The following C1orf116 variants were observed in gnomAD, a reference collection of about 807,000 sequenced individuals.
The protein encoded by C1orf116 is chromosome 1 open reading frame 116.
C1orf116 carries 12 observed loss-of-function variants against 14.1 expected under a neutral mutation model. The ratio of observed to expected loss-of-function variants is 0.85; its 90% confidence interval spans 0.54 to 1.38. The LOEUF is 1.38. C1orf116 is among the 40% of genes most tolerant of loss of function. The pLI is 0.00. For missense variants in C1orf116, 797 were observed against 747.0 expected (o/e 1.07, Z -0.78); for synonymous variants, 296 against 299.0 (o/e 0.99, Z 0.10).
Position 207,024,582 on chromosome 1 carries a change from C to A in C1orf116, c.283+305G>T, listed in dbSNP as rs1455455422. Among the ~76,000 whole-genome samples the A allele has an allele frequency of 3.9e-5, 6 of 152,374 alleles. 1 individual carries two copies. The South Asian group carries it at 1.0e-3, about 26-fold the overall frequency. On this transcript the variant is annotated intron_variant, in intron 3 of 3. Coordinates refer to ENST00000359470, the MANE Select transcript of C1orf116 (RefSeq NM_023938.6). ...ACCACCCAGCCCTCCCTGACTCCCTCCCCCGCCTCTGCGGTCATATCTCTT... is the reference window on the plus strand; with the variant it reads ...ACCACCCAGCCCTCCCTGACTCCCTACCCCGCCTCTGCGGTCATATCTCTT...
intron 2 of C1orf116, among the ~76,000 whole-genome samples, chr1:207,026,363 G>A (rs1682071864): frequency 6.6e-6 from 1 of 152,202 alleles, no homozygotes; most frequent in African/African-American, 2.4e-5. Flanking sequence ...CCTTGCCAAG[G>A]ATAAGCTGAC....
rs778120198 is a variant in C1orf116, at chr1:207,022,499, T to G, written c.1265A>C (p.Gln422Pro). Residue 422 changes from glutamine to proline, a missense_variant, in exon 4 of 4, where the codon CAG becomes CCG. Physicochemically the swap from Gln to Pro is moderately conservative, Grantham distance 76. Transcript: ENST00000359470. The part of the protein sequence containing the change: ...QAPAPAPGPA[Q>P]GPLPMKSPAP... ...TGGAGACTTCATTGGCAAAGGTCCC[T>G]GAGCTGGACCTGGAGCTGGAGCCGG... 5.0e-6 allele frequency: 8 copies of G among 1,614,164 alleles called. No individual in the cohort carries two copies. The highest frequency in any genetic ancestry group is 6.8e-6 in the Non-Finnish European group (8 of 1,180,004).
intron 2 of C1orf116, 22 bp from the exon 3 acceptor site, chr1:207,025,086 G>T (rs200591823): frequency 4.0e-5 from 47 of 1,187,260 alleles, no homozygotes; most frequent in Non-Finnish European, 5.2e-5. Context: ...GGGGTTGGGG[G>T]CGGGGGCGGG....
At chr1:207,025,645 A>G (rs1411855621) in intron 2 of C1orf116, among the ~76,000 whole-genome samples, 1 of 152,246 alleles carries the variant, frequency 6.6e-6, no homozygotes, top group Non-Finnish European at 1.5e-5. Flanking sequence ...CTGTGGCATG[A>G]CTGGCCACAG....
At chr1:207,031,526 G>A (rs1271742581) in intron 1 of C1orf116, among the ~76,000 whole-genome samples, 1 of 152,142 alleles carries the variant, frequency 6.6e-6, no homozygotes, top group Admixed American at 6.5e-5. Flanking sequence ...CTTGAGCCTG[G>A]CACTGAGGGC....
rs117236093 is a variant in C1orf116 at position 207,025,801 on chromosome 1, G to A, written c.106-737C>T. ...TTTCTAAAGCAAATATTAACTTAAA[G>A]GGGGAGGTTGGTGGAGAAACTGGAT... On this transcript the variant is annotated intron_variant, in intron 2 of 3. Transcript: ENST00000359470. Among the ~76,000 whole-genome samples the A allele has an allele frequency of 3.3e-4, 51 of 152,348 alleles. No homozygotes were observed. The East Asian group carries it at 9.2e-3, about 28-fold the overall frequency.
rs751966057 is a variant in C1orf116 at position 207,023,116 on chromosome 1, G to T, written c.648C>A (p.Ser216Arg). The change falls in exon 4 of 4, where the codon AGC (serine) becomes AGA (arginine). Residue 216 changes from serine to arginine, a missense_variant. Transcript: ENST00000359470. ...CCTGCTGTCCTGGCCCCTCGGGCAG[G>T]CTGGCTTCCCTACACTGCTCTGGCT... The part of the protein sequence containing the change: ...DTQPEQCREA[S>R]LPEGPGQQGH... 14 of 1,612,558 alleles carry T rather than the reference G, an allele frequency of 8.7e-6. No individual in the cohort carries two copies. The highest frequency in any genetic ancestry group is 1.6e-4 in the Middle Eastern group (1 of 6,084).
chr1:207,025,093 C>T lies in C1orf116; in HGVS notation c.106-29G>A, dbSNP rs748518318. On this transcript the variant is annotated intron_variant, in intron 2 of 3. Coordinates refer to ENST00000359470, the MANE Select transcript of C1orf116 (RefSeq NM_023938.6). ...TTGGGTTTGGGGTTGGGGGCGGGGG[C>T]GGGGAGGCGGGGGGGAGGGCGAGAA... 0.031 allele frequency: 148 copies of T among 4,814 alleles called. No individual in the cohort carries two copies. In the African/African-American group the frequency reaches 0.31, roughly 10 times the overall value. The allele number at this position is 4,814 out of a possible 1,614,324, so 0.3% of individuals were successfully genotyped here.
At chr1:207,024,352 C>T (rs1484734264) in intron 3 of C1orf116, among the ~76,000 whole-genome samples, 4 of 152,226 alleles carry the variant, frequency 2.6e-5, no homozygotes, top group East Asian at 1.9e-4. Context: ...GGACATGTGG[C>T]CCCACAGTCA....
chr1:207,032,733 C>T lies in C1orf116; in HGVS notation c.-236G>A. 3.0e-6 allele frequency: 3 copies of T among 985,396 alleles called. No homozygotes were observed. Among genetic ancestry groups the T allele is most frequent in the Non-Finnish European group, 3.6e-6 (3 of 829,972 alleles). 61.0% of individuals were successfully genotyped at this position (985,396 alleles called of 1,614,324 possible). A position where few individuals can be genotyped will look rare whatever the true frequency, so the allele number is the denominator to read the frequency against. Reference sequence around the variant, plus strand: ...TAGATAGGTAAATGCTTCATCTGTGCTGCCTGGCCCCCACCCTGCCACTGA... The same window carrying T: ...TAGATAGGTAAATGCTTCATCTGTGTTGCCTGGCCCCCACCCTGCCACTGA... On this transcript the variant is annotated 5_prime_UTR_variant, in exon 1 of 4. Transcript: ENST00000359470.
intron 3 of C1orf116, among the ~76,000 whole-genome samples, chr1:207,023,730 A>T (rs866202936): frequency 1.7e-4 from 26 of 152,378 alleles, no homozygotes; most frequent in African/African-American, 6.3e-4. Context: ...TAATCCCAGC[A>T]CTTTGGGAGG....
At chr1:207,029,172 A>AAAAGGGGCAGGT (rs1459440726) in intron 1 of C1orf116, among the ~76,000 whole-genome samples, 2 of 151,956 alleles carry the variant, frequency 1.3e-5, no homozygotes. Flanking sequence ...GGAGTCTCTT[A>AAAAGGGGCAGGT]AAAGGGGCAG....
At chr1:207,025,665 C>G (rs1682055537) in intron 2 of C1orf116, among the ~76,000 whole-genome samples, 1 of 152,186 alleles carries the variant, frequency 6.6e-6, no homozygotes. Flanking sequence ...GATAAATGTA[C>G]TAAATGATTT....
rs1681823771 is a variant in C1orf116, at chr1:207,020,838, AG to A, written c.*1119del. The A allele has an allele frequency of 6.6e-6, 1 of 152,124 alleles. No homozygotes were observed. Among genetic ancestry groups the A allele is most frequent in the Admixed American group, 6.5e-5 (1 of 15,276 alleles). 9.4% of individuals were successfully genotyped at this position (152,124 alleles called of 1,614,324 possible). On this transcript the variant is annotated 3_prime_UTR_variant, in exon 4 of 4. Transcript: ENST00000359470. ...AGAGCACTGGCTAAGGAGAGGTGGCAGCATGCAACAAGGGTAAGAACCTCAG... is the reference window on the plus strand; with the variant it reads ...AGAGCACTGGCTAAGGAGAGGTGGCACATGCAACAAGGGTAAGAACCTCAG...
Position 207,031,181 on chromosome 1 carries a change from T to A in C1orf116, c.-82+1398A>T, listed in dbSNP as rs1158725919. On this transcript the variant is annotated intron_variant, in intron 1 of 3. Transcript: ENST00000359470. ...GAAATGTGCCTTGGGCTGGAAAATA[T>A]CCTAAGAAAAATAGCAGAATGACTA... is the stretch of plus-strand genomic sequence containing the variant. Among the ~76,000 whole-genome samples, 4 of 152,188 alleles carry A rather than the reference T, an allele frequency of 2.6e-5. No homozygotes were observed. In the East Asian group the frequency reaches 7.7e-4, roughly 29 times the overall value.
Position 207,024,881 on chromosome 1 carries a change from C to T in C1orf116, c.283+6G>A, listed in dbSNP as rs1682023006. 2 of 1,609,814 alleles carry T rather than the reference C, an allele frequency of 1.2e-6. No individual in the cohort carries two copies. Among genetic ancestry groups the T allele is most frequent in the Non-Finnish European group, 1.7e-6 (2 of 1,176,488 alleles). On this transcript the variant is annotated splice_donor_region_variant and intron_variant, in intron 3 of 3. Coordinates refer to ENST00000359470, the MANE Select transcript of C1orf116 (RefSeq NM_023938.6). ...CTGGGGTTCCACCCCAGAGGGTCTGCCTTACCCCGGGGAGTGGGTTGGGTT... is the reference window on the plus strand; with the variant it reads ...CTGGGGTTCCACCCCAGAGGGTCTGTCTTACCCCGGGGAGTGGGTTGGGTT...
intron 3 of C1orf116, among the ~76,000 whole-genome samples, chr1:207,023,830 T>C (rs1681969196): frequency 6.6e-6 from 1 of 152,090 alleles, no homozygotes; most frequent in Non-Finnish European, 1.5e-5. Context: ...TAATAGCATA[T>C]CTTTTTTTGA....
Position 207,023,081 on chromosome 1 carries a change from G to T in C1orf116, c.683C>A (p.Pro228His), listed in dbSNP as rs375015928. 20 of 1,612,682 alleles carry T rather than the reference G, an allele frequency of 1.2e-5. No homozygotes were observed. In the African/African-American group the frequency reaches 2.5e-4, roughly 20 times the overall value. Residue 228 changes from proline (P) to histidine (H), a missense_variant, in exon 4 of 4, where the codon CCC (proline) becomes CAC (histidine). Pro to His is a moderately conservative substitution (Grantham distance 77, BLOSUM62 -2). Transcript: ENST00000359470. ...GGAGCTGGATGGTGTGTGGAGCTGG[G>T]GTGTGTGGCCCTGCTGTCCTGGCCC... ...PEGPGQQGHTPQLHTPSSSQE... is the reference protein window; with the variant it reads ...PEGPGQQGHTHQLHTPSSSQE...
At position 207,023,185 on chromosome 1, in the gene C1orf116, C is replaced by T; in HGVS notation, c.579G>A (p.Leu193=). 4 of 1,608,992 alleles carry T rather than the reference C, an allele frequency of 2.5e-6. No homozygotes were observed. The highest frequency in any genetic ancestry group is 2.5e-6 in the Non-Finnish European group (3 of 1,177,286). ...CTGGCGGAGGGATGAGCACCACGTC[C>T]AAGTCAAGGGCAGCCTCCTGGGGGC... ...PASPQEAALD[L]DVVLIPPPEA... The change falls in exon 4 of 4, where the codon TTG becomes TTA. Residue 193 remains leucine (L), a synonymous_variant. Transcript: ENST00000359470.
Sources: allele counts gnomAD v4.1 joint callset (sites outside exome capture counted in the v4.1 genomes callset), GRCh38; gene constraint gnomAD v4.1.1; transcripts MANE v1.5; gene names NCBI Gene and HGNC (gene_info 2026-07-23, HGNC 2026-07-21).